The following EXT2 variants were observed in gnomAD, a reference collection of about 807,000 sequenced individuals.
EXT2 encodes the protein exostosin-2.
Under a neutral mutation model 81.6 loss-of-function variants are expected in EXT2, and 53 were observed. That is an observed-to-expected ratio of 0.65 (90% CI 0.52 to 0.82). EXT2 has a LOEUF of 0.82. Among genes scored for constraint, EXT2 ranks in the 40% least tolerant of loss-of-function variants. The probability of loss-of-function intolerance (pLI) is 0.00; values close to 1 mark genes in which losing one functional copy is unlikely to be tolerated. For missense variants in EXT2, 774 were observed against 910.2 expected (o/e 0.85, Z 1.93); for synonymous variants, 320 against 340.0 (o/e 0.94, Z 0.65).
intron 7 of EXT2, among the ~76,000 whole-genome samples, chr11:44,167,280 C>CACAT (rs1379979908): frequency 6.6e-6 from 1 of 152,218 alleles, no homozygotes. Flanking sequence ...TCCTAAGGTA[C>CACAT]ACATGATCAG....
At position 44,225,185 on chromosome 11, in the gene EXT2, C is replaced by T. The variant is rs555310098; in HGVS notation, c.1663-7168C>T. ...TCAAACTCTCATCTCTCCTTCCCTT[C>T]TTATTATCTCCCAAGAGATTCATTG... On this transcript the variant is annotated intron_variant, in intron 10 of 13. Coordinates refer to ENST00000533608, the MANE Select transcript of EXT2 (RefSeq NM_207122.2). 5.3e-5 allele frequency among the ~76,000 whole-genome samples: 8 copies of T among 152,318 alleles called. No individual in the cohort carries two copies. In the South Asian group the frequency reaches 1.7e-3, roughly 32 times the overall value.
chr11:44,152,865 CTCTAT>C (rs968155899), intron 7 of EXT2, among the ~76,000 whole-genome samples: 4 of 152,160 alleles, frequency 2.6e-5, no homozygotes, highest in African/African-American at 7.2e-5. Flanking sequence ...TGTCTGGGCT[CTCTAT>C]TCTGTTCCGT....
At chr11:44,104,220 T>A (rs555564197) in intron 1 of EXT2, among the ~76,000 whole-genome samples, 1 of 152,220 alleles carries the variant, frequency 6.6e-6, no homozygotes, top group South Asian at 2.1e-4. Flanking sequence ...CAGAATTTTT[T>A]AAAAAGCAAT....
intron 4 of EXT2, among the ~76,000 whole-genome samples, chr11:44,117,791 T>C (rs1414669448): frequency 1.3e-5 from 2 of 152,208 alleles, no homozygotes; most frequent in Non-Finnish European, 2.9e-5. Context: ...GAGGTCTCGC[T>C]CTGTCACCCT....
In EXT2 at chr11:44,125,131, T is replaced by C. The variant is rs143914721; in HGVS notation, c.939+147T>C. On this transcript the variant is annotated intron_variant, in intron 5 of 13. Transcript: ENST00000533608. Reference sequence around the variant, plus strand: ...ACATAGCATTGCTCTTTACTGGACATGTAGACCTTCAGGTACTTGGATGTC... The same window carrying C: ...ACATAGCATTGCTCTTTACTGGACACGTAGACCTTCAGGTACTTGGATGTC... The C allele has an allele frequency of 7.6e-5, 60 of 789,700 alleles. No individual in the cohort carries two copies. The African/African-American group carries it at 8.7e-4, about 11-fold the overall frequency. 48.9% of individuals were successfully genotyped at this position (789,700 alleles called of 1,614,324 possible).
chr11:44,160,668 G>A (rs1327101201), intron 7 of EXT2, among the ~76,000 whole-genome samples: 1 of 152,176 alleles, frequency 6.6e-6, no homozygotes, highest in African/African-American at 2.4e-5. Flanking sequence ...GATATTGAAT[G>A]GATTTTGGAT....
At chr11:44,198,406 C>G (rs1172084525) in intron 9 of EXT2, among the ~76,000 whole-genome samples, 1 of 152,028 alleles carries the variant, frequency 6.6e-6, no homozygotes, top group Non-Finnish European at 1.5e-5. Flanking sequence ...GGGATGGCCT[C>G]ACTTCTGATT....
At chr11:44,128,707 G>C (rs754586528) in intron 6 of EXT2, among the ~76,000 whole-genome samples, 2 of 152,172 alleles carry the variant, frequency 1.3e-5, no homozygotes, top group East Asian at 3.9e-4. Context: ...TGCTTGGGTA[G>C]TGCTAATTAT....
Position 44,206,627 on chromosome 11 carries a change from A to C in EXT2, c.1496-166A>C, listed in dbSNP as rs200643615. ...CAGTATATATATTTTTTATTATAACAAAGATGCATCTGTGAGAATCTCCCC... is the reference window on the plus strand; with the variant it reads ...CAGTATATATATTTTTTATTATAACCAAGATGCATCTGTGAGAATCTCCCC... On this transcript the variant is annotated intron_variant, in intron 9 of 13. Transcript: ENST00000533608. Among the ~76,000 whole-genome samples the C allele has an allele frequency of 2.4e-4, 37 of 152,320 alleles. No homozygotes were observed. The East Asian group carries it at 5.6e-3, about 23-fold the overall frequency.
intron 7 of EXT2, among the ~76,000 whole-genome samples, chr11:44,137,411 A>G (rs1201309303): frequency 5.3e-5 from 8 of 152,168 alleles, no homozygotes; most frequent in South Asian, 2.1e-4. Flanking sequence ...GTGGGCAAAT[A>G]CAATTGAGTA....
At chr11:44,189,106 G>A (rs1249713106) in intron 8 of EXT2, among the ~76,000 whole-genome samples, 2 of 152,166 alleles carry the variant, frequency 1.3e-5, no homozygotes, top group East Asian at 1.9e-4. Flanking sequence ...TTAGTCTCTG[G>A]CTCAGTTTCT....
rs75729272 is a variant in EXT2 at position 44,206,250 on chromosome 11, C to T, written c.1496-543C>T. 5.5e-3 allele frequency among the ~76,000 whole-genome samples: 845 copies of T among 152,260 alleles called. 13 individuals carry two copies. The highest frequency in any genetic ancestry group is 0.019 in the African/African-American group (797 of 41,544). ...TTTGACTGCATGATGGAGGTGGGCA[C>T]GTCGGGGACCTTCGGCACATGCACT... On this transcript the variant is annotated intron_variant, in intron 9 of 13. Transcript: ENST00000533608.
chr11:44,097,761 AAAATAAATAAAT>A (rs146581535), intron 1 of EXT2, among the ~76,000 whole-genome samples: 26 of 110,922 alleles, frequency 2.3e-4, no homozygotes, highest in African/African-American at 7.6e-4. Context: ...TCCATCTCAA[AAAATAAATAAAT>A]AAATAAATAA....
rs978972748 is a variant in EXT2 at position 44,244,918 on chromosome 11, T to C, written c.*631T>C. On this transcript the variant is annotated 3_prime_UTR_variant, in exon 14 of 14. Coordinates refer to ENST00000533608, the MANE Select transcript of EXT2 (RefSeq NM_207122.2). ...GGCTTTTTGATATGATTAAAATTAT[T>C]TTTTATTCCTTTTTCTACTGTGTCT... is the stretch of plus-strand genomic sequence containing the variant. 22 of 232,686 alleles carry C rather than the reference T, an allele frequency of 9.5e-5. No individual in the cohort carries two copies. Among genetic ancestry groups the C allele is most frequent in the Non-Finnish European group, 1.5e-4 (18 of 117,768 alleles). 14.4% of individuals were successfully genotyped at this position (232,686 alleles called of 1,614,324 possible). A position where few individuals can be genotyped will look rare whatever the true frequency, so the allele number is the denominator to read the frequency against.
At chr11:44,119,570 C>A (rs1185114203) in intron 4 of EXT2, among the ~76,000 whole-genome samples, 1 of 152,164 alleles carries the variant, frequency 6.6e-6, no homozygotes, top group Non-Finnish European at 1.5e-5. Flanking sequence ...TGCCAAACTT[C>A]CAGACTCCCA....
At chr11:44,238,748 A>G (rs951981377) in intron 13 of EXT2, among the ~76,000 whole-genome samples, 1 of 152,208 alleles carries the variant, frequency 6.6e-6, no homozygotes, top group African/African-American at 2.4e-5. Flanking sequence ...CAACTAGTAA[A>G]ACCCTGGGCC....
intron 8 of EXT2, among the ~76,000 whole-genome samples, chr11:44,177,124 T>C (rs75552889): frequency 0.017 from 2,643 of 152,298 alleles, 37 homozygotes; most frequent in Non-Finnish European, 0.026. Flanking sequence ...GTAATACACC[T>C]GTCTAAACTG....
chr11:44,152,665 T>A lies in EXT2; in HGVS notation c.1174-18946T>A, dbSNP rs77158558. Among the ~76,000 whole-genome samples, 588 of 152,330 alleles carry A rather than the reference T, an allele frequency of 3.9e-3. 5 individuals are homozygous for A. Among genetic ancestry groups the A allele is most frequent in the African/African-American group, 0.014 (566 of 41,576 alleles). On this transcript the variant is annotated intron_variant, in intron 7 of 13. Coordinates refer to ENST00000533608, the MANE Select transcript of EXT2 (RefSeq NM_207122.2). Reference sequence around the variant, plus strand: ...TGCACCCTGCTGGAGTTTATAATTTTACATTTTATATTTAGGTCAGTGATC... The same window carrying A: ...TGCACCCTGCTGGAGTTTATAATTTAACATTTTATATTTAGGTCAGTGATC...
At chr11:44,167,201 G>A (rs1955006796) in intron 7 of EXT2, among the ~76,000 whole-genome samples, 1 of 152,154 alleles carries the variant, frequency 6.6e-6, no homozygotes, top group Non-Finnish European at 1.5e-5. Flanking sequence ...CAAAATCCCA[G>A]GAGAAAGAAA....
Sources: gnomAD v4.1 joint callset for allele counts (sites outside exome capture counted in the v4.1 genomes callset) on GRCh38, gnomAD v4.1.1 for gene constraint, MANE v1.5 for transcripts, NCBI Gene and HGNC (gene_info 2026-07-23, HGNC 2026-07-21) for gene names.